EEF1AKMT2: variants seen among roughly 807,000 people sequenced by gnomAD.
The protein encoded by EEF1AKMT2 is EEF1A lysine methyltransferase 2.
Under a neutral mutation model 35.8 loss-of-function variants are expected in EEF1AKMT2, and 32 were observed. The observed-to-expected ratio is 0.89, with a 90% CI of 0.67 to 1.20. EEF1AKMT2 has a LOEUF of 1.20. Ranked by LOEUF, EEF1AKMT2 falls within the 50% of genes most tolerant of loss-of-function variation. EEF1AKMT2 has a pLI of 0.00. For synonymous variants in EEF1AKMT2, 121 were observed against 133.7 expected (o/e 0.91, Z 0.65); for missense variants, 330 against 347.5 (o/e 0.95, Z 0.40).
In EEF1AKMT2 at chr10:124,774,517, C is replaced by A. The variant is rs916717323; in HGVS notation, c.399+158G>T. ...AGAAGAAAAAATAATTTCCCCAAACCAACTAGATTAAATTTTTAATATGGC... is the reference window on the plus strand; with the variant it reads ...AGAAGAAAAAATAATTTCCCCAAACAAACTAGATTAAATTTTTAATATGGC... On this transcript the variant is annotated intron_variant, in intron 4 of 6. Transcript: ENST00000368836. 2.7e-5 allele frequency among the ~76,000 whole-genome samples: 4 copies of A among 150,308 alleles called. No homozygotes were observed. In the East Asian group the frequency reaches 7.8e-4, roughly 29 times the overall value.
chr10:124,760,574 T>G, intron 6 of EEF1AKMT2, 71 bp from the exon 7 acceptor site: 3 of 1,138,068 alleles, frequency 2.6e-6, no homozygotes, highest in Non-Finnish European at 2.7e-6. Flanking sequence ...TATGCATGCA[T>G]TAACACTGTA....
intron 2 of EEF1AKMT2, among the ~76,000 whole-genome samples, chr10:124,789,789 A>G (rs1410792081): frequency 6.6e-6 from 1 of 152,028 alleles, no homozygotes; most frequent in Non-Finnish European, 1.5e-5. Flanking sequence ...AAAAATTAAA[A>G]AAGAATAAAA....
intron 3 of EEF1AKMT2, among the ~76,000 whole-genome samples, chr10:124,784,005 G>A (rs900504588): frequency 2.0e-5 from 3 of 152,016 alleles, no homozygotes; most frequent in Admixed American, 2.0e-4. Context: ...TATATTTTTA[G>A]TAGAGACAAG....
intron 4 of EEF1AKMT2, among the ~76,000 whole-genome samples, chr10:124,769,583 T>G (rs1950410945): frequency 6.6e-6 from 1 of 152,164 alleles, no homozygotes; most frequent in Non-Finnish European, 1.5e-5. Flanking sequence ...GGTTTCCCAG[T>G]GCATATAGAA....
At chr10:124,770,468 A>T (rs1002831963) in intron 4 of EEF1AKMT2, among the ~76,000 whole-genome samples, 12 of 152,186 alleles carry the variant, frequency 7.9e-5, no homozygotes, top group African/African-American at 2.9e-4. Context: ...CATCATCGAA[A>T]TCATGAGTAA....
intron 4 of EEF1AKMT2, among the ~76,000 whole-genome samples, chr10:124,774,165 A>G (rs751042823): frequency 1.3e-5 from 2 of 152,122 alleles, no homozygotes; most frequent in Non-Finnish European, 2.9e-5. Context: ...CAGGAGATCG[A>G]GACCGTCCTG....
Position 124,758,811 on chromosome 10 carries a change from T to A in EEF1AKMT2, c.*1692A>T, listed in dbSNP as rs571604422. ...TTTCTACAGTTTAAGATCTCCTGTC[T>A]TGGTAAAATCAACACAATCTTCTAA... On this transcript the variant is annotated 3_prime_UTR_variant, in exon 7 of 7. Coordinates refer to ENST00000368836, the MANE Select transcript of EEF1AKMT2 (RefSeq NM_212554.4). 6.6e-6 allele frequency: 1 copy of A among 152,336 alleles called. No individual in the cohort carries two copies. Among genetic ancestry groups the A allele is most frequent in the African/African-American group, 2.4e-5 (1 of 41,592 alleles). The allele number at this position is 152,336 out of a possible 1,614,324, so 9.4% of individuals were successfully genotyped here. A position where few individuals can be genotyped will look rare whatever the true frequency, so the allele number is the denominator to read the frequency against.
At chr10:124,768,212 G>A (rs1363057492) in intron 4 of EEF1AKMT2, among the ~76,000 whole-genome samples, 2 of 152,172 alleles carry the variant, frequency 1.3e-5, no homozygotes, top group Non-Finnish European at 2.9e-5. Flanking sequence ...TAAGAAATGA[G>A]GGACTTTGTA....
At chr10:124,764,289 A>G (rs1260094472) in intron 5 of EEF1AKMT2, among the ~76,000 whole-genome samples, 1 of 133,996 alleles carries the variant, frequency 7.5e-6, no homozygotes, top group Non-Finnish European at 1.6e-5. Flanking sequence ...CCTATCCTTT[A>G]AAAAGTGCAG....
chr10:124,769,248 A>ATATAAATATGTG (rs60863408), intron 4 of EEF1AKMT2, among the ~76,000 whole-genome samples: 1 of 63,822 alleles, frequency 1.6e-5, no homozygotes, highest in Non-Finnish European at 2.9e-5. Context: ...ATATATATAT[A>ATATAAATATGTG]TGTGTGTATA....
intron 3 of EEF1AKMT2, among the ~76,000 whole-genome samples, chr10:124,788,710 T>TTTTATATATATATATA (rs1414544581): frequency 1.2e-4 from 11 of 92,500 alleles, no homozygotes; most frequent in African/African-American, 3.4e-4. Flanking sequence ...AAGGTCATCT[T>TTTTATATATATATATA]TATATATATA....
downstream of EEF1AKMT2, among the ~76,000 whole-genome samples, chr10:124,756,554 C>T (rs1383735284): frequency 6.6e-6 from 1 of 152,306 alleles, no homozygotes; most frequent in Non-Finnish European, 1.5e-5. Context: ...CAGTCTAATA[C>T]ACTGTGTTGC....
chr10:124,781,113 T>A (rs1171838990), intron 3 of EEF1AKMT2, among the ~76,000 whole-genome samples: 2 of 151,860 alleles, frequency 1.3e-5, no homozygotes, highest in Admixed American at 6.6e-5. Context: ...GCCCGGCTAA[T>A]TTTTTGTATT....
intron 4 of EEF1AKMT2, among the ~76,000 whole-genome samples, chr10:124,768,519 C>A (rs1298430214): frequency 1.3e-5 from 2 of 152,054 alleles, no homozygotes; most frequent in African/African-American, 4.8e-5. Flanking sequence ...CCGAGGCAGG[C>A]AGATCACCTT....
chr10:124,762,350 C>G lies in EEF1AKMT2; in HGVS notation c.825G>C (p.Trp275Cys), dbSNP rs548022063. 17 of 1,250,214 alleles carry G rather than the reference C, an allele frequency of 1.4e-5. No homozygotes were observed. The South Asian group carries it at 1.6e-4, about 12-fold the overall frequency. The allele number at this position is 1,250,214 out of a possible 1,614,324, so 77.4% of individuals were successfully genotyped here. A position where few individuals can be genotyped will look rare whatever the true frequency, so the allele number is the denominator to read the frequency against. The change falls in exon 6 of 7, where the codon TGG (tryptophan) becomes TGC (cysteine). Residue 275 changes from tryptophan (W) to cysteine (C), a missense_variant. Coordinates refer to ENST00000368836, the MANE Select transcript of EEF1AKMT2 (RefSeq NM_212554.4). ...GGTATAATCCCAGCACTTTGGGAGG[C>G]CAGGTGGGAGAATCACTTGAGCCCA... ...ELLGSSDSPT[W>C]PPKVLGLYHA...
chr10:124,787,863 A>C (rs935598076), intron 3 of EEF1AKMT2, among the ~76,000 whole-genome samples: 17 of 152,114 alleles, frequency 1.1e-4, no homozygotes, highest in African/African-American at 3.6e-4. Flanking sequence ...CTGATAATTC[A>C]CTTAGCTGTA....
At chr10:124,773,449 C>T (rs1470972817) in intron 4 of EEF1AKMT2, among the ~76,000 whole-genome samples, 1 of 152,114 alleles carries the variant, frequency 6.6e-6, no homozygotes, top group Non-Finnish European at 1.5e-5. Flanking sequence ...CCAGGCTAGT[C>T]CCAAACTCCT....
At chr10:124,778,722 CAAA>C (rs11405149) in intron 3 of EEF1AKMT2, among the ~76,000 whole-genome samples, 3 of 119,466 alleles carry the variant, frequency 2.5e-5, no homozygotes, top group African/African-American at 3.6e-5. Context: ...GACTCCGTAC[CAAA>C]AAAAAAAAAA....
chr10:124,775,394 T>G (rs1950479787), intron 3 of EEF1AKMT2, among the ~76,000 whole-genome samples: 1 of 152,190 alleles, frequency 6.6e-6, no homozygotes, highest in South Asian at 2.1e-4. Flanking sequence ...CTTGAGAGTT[T>G]TGGTGTTTGC....
Sources: gnomAD v4.1 joint callset for allele counts (sites outside exome capture counted in the v4.1 genomes callset) on GRCh38, gnomAD v4.1.1 for gene constraint, MANE v1.5 for transcripts, NCBI Gene and HGNC (gene_info 2026-07-23, HGNC 2026-07-21) for gene names.